SPACDR: variants seen among roughly 807,000 people sequenced by gnomAD.
SPACDR encodes uncharacterized protein C7orf61.
At chr7:100,456,810 G>T in the SPACDR span, 1 of 1,613,262 alleles carries the variant, frequency 6.2e-7, no homozygotes, top group Admixed American at 1.7e-5. Context: ...TCGGGGGGCA[G>T]CATGGCATCG....
At chr7:100,456,966 G>A in the SPACDR span, 2 of 1,612,626 alleles carry the variant, frequency 1.2e-6, no homozygotes, top group Non-Finnish European at 1.7e-6. Flanking sequence ...GGAGCTGACT[G>A]AGGCAGAACT....
the SPACDR span, among the ~76,000 whole-genome samples, chr7:100,458,675 C>T: frequency 5.9e-5 from 9 of 152,198 alleles, no homozygotes; most frequent in Admixed American, 5.2e-4. Flanking sequence ...CCTATAATCC[C>T]AGCACTTTGG....
chr7:100,459,180 A>AT, the SPACDR span, among the ~76,000 whole-genome samples: 353 of 135,520 alleles, frequency 2.6e-3, no homozygotes, highest in African/African-American at 7.4e-3. Context: ...ATTTTTTTGT[A>AT]TTTTTTTTTT....
chr7:100,463,358 C>T, the SPACDR span: 1 of 1,580,094 alleles, frequency 6.3e-7, no homozygotes, highest in East Asian at 2.2e-5. Context: ...TAGGATGGTG[C>T]TGACCTTCCA....
At chr7:100,463,271 G>T in the SPACDR span, 1 of 1,090,522 alleles carries the variant, frequency 9.2e-7, no homozygotes, top group Non-Finnish European at 1.3e-6. Context: ...ACTGCACCAG[G>T]CCAGGAAACA....
the SPACDR span, among the ~76,000 whole-genome samples, chr7:100,457,803 ATGTGTGTGTGTGTG>A: frequency 4.1e-5 from 3 of 72,606 alleles, no homozygotes; most frequent in Non-Finnish European, 6.6e-5. Context: ...ATATATATAT[ATGTGTGTGTGTGTG>A]TGTGTGTGTG....
chr7:100,460,502 A>G, the SPACDR span, among the ~76,000 whole-genome samples: 346 of 151,864 alleles, frequency 2.3e-3, 2 homozygotes, highest in Non-Finnish European at 3.9e-3. Context: ...GAGGCAGGAT[A>G]ATTGCTTGAA....
the SPACDR span, chr7:100,463,795 C>T: frequency 1.7e-4 from 219 of 1,254,284 alleles, no homozygotes; most frequent in Admixed American, 9.2e-5. Flanking sequence ...GTTTCCTGGC[C>T]TCTCTTCCTT....
chr7:100,463,378 C>T, the SPACDR span: 17 of 1,595,402 alleles, frequency 1.1e-5, no homozygotes, highest in Non-Finnish European at 1.4e-5. Context: ...AGCTGCACAT[C>T]TGCCAGCCGC....
chr7:100,463,532 G>C, the SPACDR span: 1 of 1,614,028 alleles, frequency 6.2e-7, no homozygotes, highest in Non-Finnish European at 8.5e-7. Flanking sequence ...CAGCTCGGGG[G>C]ACTCACCCAA....
chr7:100,458,398 C>T, the SPACDR span, among the ~76,000 whole-genome samples: 1 of 151,634 alleles, frequency 6.6e-6, no homozygotes, highest in Non-Finnish European at 1.5e-5. Flanking sequence ...CAGGAGAAAG[C>T]AAAAAACAAA....
At chr7:100,460,309 GC>G in the SPACDR span, among the ~76,000 whole-genome samples, 9,637 of 151,668 alleles carry the variant, frequency 0.064, 409 homozygotes, top group South Asian at 0.11. Context: ...ACCACTCTTG[GC>G]CAGGCGCTGT....
At chr7:100,463,828 G>T in the SPACDR span, 3 of 1,274,918 alleles carry the variant, frequency 2.4e-6, no homozygotes, top group Non-Finnish European at 3.4e-6. Context: ...CTCCCCAGCT[G>T]TCCTTTCCTT....
At chr7:100,458,882 G>A in the SPACDR span, among the ~76,000 whole-genome samples, 8 of 151,978 alleles carry the variant, frequency 5.3e-5, no homozygotes, top group East Asian at 5.8e-4. Context: ...AGCCGAGGTC[G>A]CACCACTTCA....
the SPACDR span, among the ~76,000 whole-genome samples, chr7:100,459,600 C>T: frequency 6.6e-6 from 1 of 151,238 alleles, no homozygotes; most frequent in Non-Finnish European, 1.5e-5. Flanking sequence ...CTGTCCTTTC[C>T]GTCTTTTTAG....
the SPACDR span, chr7:100,463,771 G>C: frequency 7.5e-7 from 1 of 1,327,850 alleles, no homozygotes; most frequent in East Asian, 2.3e-5. Context: ...GGCACAAAAG[G>C]GATGGAGCAG....
At chr7:100,457,791 TTATATA>T in the SPACDR span, among the ~76,000 whole-genome samples, 2 of 107,568 alleles carry the variant, frequency 1.9e-5, no homozygotes, top group African/African-American at 7.5e-5. Flanking sequence ...CGGCTAACTT[TTATATA>T]TATATATGTG....
At chr7:100,463,702 C>T in the SPACDR span, 2 of 1,607,772 alleles carry the variant, frequency 1.2e-6, no homozygotes, top group Non-Finnish European at 1.7e-6. Flanking sequence ...AACCAAGACA[C>T]AGAGAGGAGA....
the SPACDR span, chr7:100,463,570 G>T: frequency 3.7e-6 from 6 of 1,613,964 alleles, no homozygotes; most frequent in Non-Finnish European, 5.1e-6. Flanking sequence ...TTGGGAGCTC[G>T]ACCAACCTCA....
Sources: allele counts gnomAD v4.1 joint callset (sites outside exome capture counted in the v4.1 genomes callset), GRCh38; gene constraint gnomAD v4.1.1; transcripts MANE v1.5; gene names NCBI Gene and HGNC (gene_info 2026-07-23, HGNC 2026-07-21).